ARHGAP35: variants seen among roughly 807,000 people sequenced by gnomAD.
The protein encoded by ARHGAP35 is rho GTPase-activating protein 35.
In ARHGAP35, 15 loss-of-function variants were observed where a neutral mutation model predicts 111.1. The observed-to-expected ratio is 0.13, with a 90% CI of 0.09 to 0.21. The LOEUF (loss-of-function observed/expected upper bound fraction) is 0.21. Ranked by LOEUF, ARHGAP35 falls within the 10% of genes least tolerant of loss-of-function variation. The pLI is 1.00. For synonymous variants in ARHGAP35, 643 were observed against 710.3 expected, an observed-to-expected ratio of 0.91 and a Z score of 1.51; for missense variants, 1,262 against 1,873.0, an observed-to-expected ratio of 0.67 and a Z score of 6.02.
intron 3 of ARHGAP35, among the ~76,000 whole-genome samples, chr19:46,975,094 A>T (rs1254754548): frequency 6.6e-6 from 1 of 151,388 alleles, no homozygotes; most frequent in African/African-American, 2.4e-5. Context: ...CTGGTCTCGA[A>T]CTCCTGACCT....
At chr19:46,865,681 G>A (rs994173768) in intron 1 of ARHGAP35, among the ~76,000 whole-genome samples, 5 of 152,138 alleles carry the variant, frequency 3.3e-5, no homozygotes, top group South Asian at 4.1e-4. Context: ...TGAAAAGGTC[G>A]GAGTGGTTGT....
chr19:46,876,952 A>G (rs2055926407), intron 1 of ARHGAP35, among the ~76,000 whole-genome samples: 1 of 152,204 alleles, frequency 6.6e-6, no homozygotes, highest in Non-Finnish European at 1.5e-5. Context: ...CCCAGTGCAT[A>G]TAAAAGTTAA....
chr19:46,981,862 G>GTT (rs1397264193), intron 3 of ARHGAP35, among the ~76,000 whole-genome samples: 2 of 151,570 alleles, frequency 1.3e-5, no homozygotes, highest in Non-Finnish European at 2.9e-5. Context: ...GTTTTGTTTT[G>GTT]TTTTGTTTTG....
chr19:46,882,259 C>CA (rs1213708119), intron 1 of ARHGAP35, among the ~76,000 whole-genome samples: 5 of 151,808 alleles, frequency 3.3e-5, no homozygotes, highest in Non-Finnish European at 7.4e-5. Flanking sequence ...TCAACCCCCC[C>CA]AGGTTGCTGG....
rs2056734491 is a variant in ARHGAP35, at chr19:46,999,545, C to G, written c.4142+136C>G. On this transcript the variant is annotated intron_variant, in intron 6 of 6. Transcript: ENST00000672722. The surrounding 1 kb of genome is among the most constrained non-coding windows in gnomAD (Gnocchi z 5.4). ...GCCTGGAAGGGGTGCTGGCTGGCCT[C>G]CCATGGTGCCCGCTGGTCTCGGTGC... 8.0e-6 allele frequency: 5 copies of G among 624,958 alleles called. No individual in the cohort carries two copies. The highest frequency in any genetic ancestry group is 6.1e-5 in the South Asian group (3 of 49,072). The allele number at this position is 624,958 out of a possible 1,614,324, so 38.7% of individuals were successfully genotyped here.
chr19:46,881,124 G>T (rs368178076), intron 1 of ARHGAP35, among the ~76,000 whole-genome samples: 3 of 151,854 alleles, frequency 2.0e-5, no homozygotes, highest in Admixed American at 2.0e-4. Flanking sequence ...TTTGTTTTTC[G>T]AGTAGAGATG....
In ARHGAP35 at chr19:47,002,780, T is replaced by G. The variant is rs1220741694; in HGVS notation, c.*2092T>G. On this transcript the variant is annotated 3_prime_UTR_variant, in exon 7 of 7. Transcript: ENST00000672722. The stretch of plus-strand genomic sequence containing the variant: ...GCAAAAGCAGCCCAGTCCCCCTCAC[T>G]GCTTGAGCTAACACTGCCACCTCTT... 1.3e-5 allele frequency: 2 copies of G among 152,252 alleles called. No homozygotes were observed. The highest frequency in any genetic ancestry group is 2.9e-5 in the Non-Finnish European group (2 of 68,082). The allele number at this position is 152,252 out of a possible 1,614,324, so 9.4% of individuals were successfully genotyped here. A position where few individuals can be genotyped will look rare whatever the true frequency, so the allele number is the denominator to read the frequency against.
intron 3 of ARHGAP35, among the ~76,000 whole-genome samples, chr19:46,987,494 C>T (rs1398143360): frequency 6.6e-6 from 1 of 152,126 alleles, no homozygotes; most frequent in Non-Finnish European, 1.5e-5. Flanking sequence ...GGATTACAGG[C>T]GTGAGCCACC....
chr19:46,959,212 G>A (rs952699271), intron 3 of ARHGAP35, among the ~76,000 whole-genome samples: 10 of 152,012 alleles, frequency 6.6e-5, no homozygotes, highest in African/African-American at 2.4e-4. Context: ...CTACAGGCAT[G>A]CACCACCACA....
chr19:46,951,078 A>T (rs1404556983), intron 3 of ARHGAP35, among the ~76,000 whole-genome samples: 1 of 152,256 alleles, frequency 6.6e-6, no homozygotes, highest in Admixed American at 6.5e-5. Flanking sequence ...GGTTACCCTC[A>T]GCTCCTCAGC....
At chr19:46,880,363 C>T (rs1206867733) in intron 1 of ARHGAP35, among the ~76,000 whole-genome samples, 3 of 152,074 alleles carry the variant, frequency 2.0e-5, no homozygotes, top group East Asian at 1.9e-4. Flanking sequence ...ACCCAGGAGG[C>T]GGAAGTTGCA....
intron 1 of ARHGAP35, among the ~76,000 whole-genome samples, chr19:46,876,971 CG>C (rs1161093833): frequency 6.6e-6 from 1 of 150,538 alleles, no homozygotes; most frequent in African/African-American, 2.4e-5. Flanking sequence ...AAGTTTTGGC[CG>C]GGCGCAGTGG....
At chr19:46,872,514 C>T (rs1348065361) in intron 1 of ARHGAP35, among the ~76,000 whole-genome samples, 1 of 150,956 alleles carries the variant, frequency 6.6e-6, no homozygotes, top group African/African-American at 2.4e-5. Context: ...GCAAGAAATT[C>T]ATGGTAAGAT....
chr19:46,934,454 A>G (rs311376), intron 2 of ARHGAP35, among the ~76,000 whole-genome samples: 46,163 of 151,468 alleles, frequency 0.3, 7,200 homozygotes, highest in Middle Eastern at 0.43. Context: ...TGCAACCTCT[A>G]CCTCCTGGGT....
chr19:46,937,418 T>G lies in ARHGAP35; in HGVS notation c.3826+10T>G, dbSNP rs1348952223. 1.2e-6 allele frequency: 2 copies of G among 1,613,602 alleles called. No individual in the cohort carries two copies. The highest frequency in any genetic ancestry group is 1.7e-6 in the Non-Finnish European group (2 of 1,179,648). ...TACATTGAAGCCACAGGTAAGAGTA[T>G]TACCTCATAGCAGTTTATAACTTTC... On this transcript the variant is annotated intron_variant, in intron 3 of 6. Coordinates refer to ENST00000672722, the MANE Select transcript of ARHGAP35 (RefSeq NM_004491.5).
intron 2 of ARHGAP35, among the ~76,000 whole-genome samples, chr19:46,923,225 C>A (rs2122203521): frequency 6.6e-6 from 1 of 152,218 alleles, no homozygotes; most frequent in South Asian, 2.1e-4. Context: ...CTGCCTCAGC[C>A]TGCTGAGTAG....
At position 46,986,468 on chromosome 19, in the gene ARHGAP35, G is replaced by A. The variant is rs560713288; in HGVS notation, c.3827-1521G>A. Among the ~76,000 whole-genome samples, 1 of 151,670 alleles carries A rather than the reference G, an allele frequency of 6.6e-6. No individual in the cohort carries two copies. Among genetic ancestry groups the A allele is most frequent in the East Asian group, 1.9e-4 (1 of 5,176 alleles). On this transcript the variant is annotated intron_variant, in intron 3 of 6. Transcript: ENST00000672722. The surrounding 1 kb of genome is among the most constrained non-coding windows in gnomAD (Gnocchi z 4.3). ...TTTTTTTAACTGATAAAAAGAACTA[G>A]AAGGAAAAAAAACAATAGCTGATAC...
At position 46,989,448 on chromosome 19, in the gene ARHGAP35, C is replaced by T. The variant is rs1357368237; in HGVS notation, c.3905-96C>T. On this transcript the variant is annotated intron_variant, in intron 4 of 6. Coordinates refer to ENST00000672722, the MANE Select transcript of ARHGAP35 (RefSeq NM_004491.5). The surrounding 1 kb of genome is among the most constrained non-coding windows in gnomAD (Gnocchi z 5.3). ...CCAGTCCTGAGGCCGTCTCTGGCTCCTTGAGGTTTCTCTAGCCTCTCCTGA... is the reference window on the plus strand; with the variant it reads ...CCAGTCCTGAGGCCGTCTCTGGCTCTTTGAGGTTTCTCTAGCCTCTCCTGA... The T allele has an allele frequency of 4.6e-6, 7 of 1,517,758 alleles. No homozygotes were observed. Among genetic ancestry groups the T allele is most frequent in the Non-Finnish European group, 6.3e-6 (7 of 1,116,490 alleles). 94.0% of individuals were successfully genotyped at this position (1,517,758 alleles called of 1,614,324 possible).
rs2056699157 is a variant in ARHGAP35 at position 46,994,913 on chromosome 19, C to T, written c.4037-4391C>T. 1.3e-5 allele frequency among the ~76,000 whole-genome samples: 2 copies of T among 152,190 alleles called. No homozygotes were observed. The highest frequency in any genetic ancestry group is 2.9e-5 in the Non-Finnish European group (2 of 68,030). On this transcript the variant is annotated intron_variant, in intron 5 of 6. Coordinates refer to ENST00000672722, the MANE Select transcript of ARHGAP35 (RefSeq NM_004491.5). This position sits in a 1 kb window ranked among gnomAD's most constrained non-coding sequence, Gnocchi z 5.4. ...CAAGGCAAGAATGGGGCGCTGTCAC[C>T]ACACAACCTCACCCATCCCCACGTG...
Sources: allele counts gnomAD v4.1 joint callset (sites outside exome capture counted in the v4.1 genomes callset), GRCh38; gene constraint gnomAD v4.1.1; non-coding constraint Gnocchi (gnomAD v3.1); transcripts MANE v1.5; gene names NCBI Gene and HGNC (gene_info 2026-07-23, HGNC 2026-07-21).